GSN: variants seen among roughly 807,000 people sequenced by gnomAD.
The protein encoded by GSN is gelsolin.
GSN carries 56 observed loss-of-function variants against 85.7 expected under a neutral mutation model. That is an observed-to-expected ratio of 0.65 (90% CI 0.53 to 0.82). The LOEUF (loss-of-function observed/expected upper bound fraction) is 0.82, where lower values mean the gene tolerates loss of function less well. Ranked by LOEUF, GSN falls within the 40% of genes least tolerant of loss-of-function variation. GSN has a pLI of 0.00. For missense variants in GSN, 857 were observed against 979.8 expected (o/e 0.87, Z 1.67); for synonymous variants, 373 against 399.1 (o/e 0.93, Z 0.78).
intron 2 of GSN, among the ~76,000 whole-genome samples, chr9:121,289,929 C>A (rs186208160): frequency 1.3e-5 from 2 of 152,114 alleles, no homozygotes; most frequent in Non-Finnish European, 2.9e-5. Context: ...GAGTGACAGG[C>A]CCAGTGCAGA....
At chr9:121,313,436 A>G in intron 6 of GSN, 1 of 228,898 alleles carries the variant, frequency 4.4e-6, no homozygotes, top group South Asian at 6.5e-5. Flanking sequence ...TGGGAGGGAC[A>G]GTGGGAGTGA....
intron 6 of GSN, among the ~76,000 whole-genome samples, chr9:121,262,815 T>C (rs1462716056): frequency 2.0e-5 from 3 of 152,244 alleles, no homozygotes; most frequent in Non-Finnish European, 4.4e-5. Context: ...TCTAGAATAA[T>C]GGCTCTTGAA....
At chr9:121,270,506 C>G (rs755201016) in intron 1 of GSN, among the ~76,000 whole-genome samples, 20 of 152,212 alleles carry the variant, frequency 1.3e-4, no homozygotes, top group Non-Finnish European at 2.6e-4. Context: ...CTGAAGGTCT[C>G]AGAACCTGCT....
intron 4 of GSN, among the ~76,000 whole-genome samples, chr9:121,230,449 T>C (rs1158529052): frequency 1.3e-5 from 2 of 152,318 alleles, no homozygotes; most frequent in Admixed American, 6.5e-5. Context: ...GATGGAGACA[T>C]CTGGATGGTA....
At chr9:121,201,641 G>C in the GSN span, 1 of 152,770 alleles carries the variant, frequency 6.5e-6, no homozygotes, top group Non-Finnish European at 1.5e-5. Flanking sequence ...CGGGTTACCT[G>C]GGGGGTTGCT....
chr9:121,202,713 A>C, the GSN span, among the ~76,000 whole-genome samples: 3 of 152,244 alleles, frequency 2.0e-5, no homozygotes, highest in Admixed American at 2.0e-4. Flanking sequence ...TGTAAGTTAA[A>C]TATATGTATA....
chr9:121,224,395 G>A (rs78562567), intron 4 of GSN, among the ~76,000 whole-genome samples: 424 of 152,140 alleles, frequency 2.8e-3, no homozygotes, highest in Middle Eastern at 0.01. Context: ...CACCGCGCCC[G>A]GTCTATACAT....
intron 2 of GSN, 168 bp from the exon 3 acceptor site, chr9:121,301,776 AACTCTTGCCCTGTTTGCTG>A (rs2059888129): frequency 1.2e-6 from 1 of 827,706 alleles, no homozygotes; most frequent in Non-Finnish European, 1.9e-6. Context: ...TGAAGCATAA[AACTCTTGCCCTGTTTGCTG>A]ACTCGTTGAG....
At chr9:121,242,315 GAA>G (rs1299598734) in intron 5 of GSN, among the ~76,000 whole-genome samples, 3 of 152,194 alleles carry the variant, frequency 2.0e-5, no homozygotes, top group Non-Finnish European at 4.4e-5. Context: ...GGAGGAAACA[GAA>G]AAGATTCCCT....
In GSN at chr9:121,249,476, C is replaced by CAATA. The variant is rs928072979; in HGVS notation, c.-341+1167_-341+1170dup. Among the ~76,000 whole-genome samples the CAATA allele has an allele frequency of 3.3e-5, 5 of 152,050 alleles. No homozygotes were observed. The East Asian group carries it at 7.7e-4, about 23-fold the overall frequency. ...TGGGCGACAGCCTGAGACCCTGTCTCAATAAATAAATAAATAAGATGCAAG... is the reference window on the plus strand; with the variant it reads ...TGGGCGACAGCCTGAGACCCTGTCTCAATAAATAAATAAATAAATAAGATGCAAG... On this transcript the variant is annotated intron_variant, in intron 6 of 24. Transcript: ENST00000373823.
intron 2 of GSN, among the ~76,000 whole-genome samples, chr9:121,291,531 G>T (rs548283505): frequency 1.3e-5 from 2 of 149,768 alleles, no homozygotes; most frequent in South Asian, 4.2e-4. Flanking sequence ...CCATTCTCCT[G>T]TCTCAGCCTC....
chr9:121,226,093 T>G (rs2054268189), intron 4 of GSN, among the ~76,000 whole-genome samples: 1 of 152,166 alleles, frequency 6.6e-6, no homozygotes, highest in South Asian at 2.1e-4. Flanking sequence ...CGTGAGCCAC[T>G]GCGCCCGGCA....
chr9:121,237,908 C>T (rs903156023), intron 5 of GSN, among the ~76,000 whole-genome samples: 2 of 152,194 alleles, frequency 1.3e-5, no homozygotes, highest in African/African-American at 2.4e-5. Context: ...CACTGAAGAC[C>T]CAGGTTTTCT....
At chr9:121,305,385 C>T (rs1434200533) in intron 4 of GSN, among the ~76,000 whole-genome samples, 4 of 152,210 alleles carry the variant, frequency 2.6e-5, no homozygotes, top group Non-Finnish European at 5.9e-5. Flanking sequence ...GTCAGGGACT[C>T]TTCTGGGTGC....
chr9:121,231,885 G>A (rs935741390), intron 5 of GSN, among the ~76,000 whole-genome samples: 1 of 152,132 alleles, frequency 6.6e-6, no homozygotes, highest in Non-Finnish European at 1.5e-5. Context: ...TGGCCTACAT[G>A]GTGAAACCCC....
intron 14 of GSN, among the ~76,000 whole-genome samples, chr9:121,328,302 C>T (rs185187818): frequency 2.0e-4 from 30 of 152,316 alleles, no homozygotes; most frequent in Admixed American, 1.8e-3. Flanking sequence ...TCCAGCAGAA[C>T]CTTCTATGCA....
chr9:121,275,725 G>A (rs1171212425), intron 1 of GSN, among the ~76,000 whole-genome samples: 3 of 152,126 alleles, frequency 2.0e-5, no homozygotes, highest in Non-Finnish European at 4.4e-5. Flanking sequence ...TGCCTAGACT[G>A]TTCAGTGGTC....
intron 1 of GSN, among the ~76,000 whole-genome samples, chr9:121,277,727 A>G (rs901417561): frequency 1.3e-5 from 2 of 150,538 alleles, no homozygotes; most frequent in Non-Finnish European, 2.9e-5. Flanking sequence ...GTAGAAAGCC[A>G]TTGGAAGGGG....
chr9:121,208,556 G>T (rs1362297683), intron 1 of GSN, among the ~76,000 whole-genome samples: 2 of 152,198 alleles, frequency 1.3e-5, no homozygotes, highest in Non-Finnish European at 2.9e-5. Context: ...CCCAAATCAT[G>T]CTTCTATATC....
Sources: allele counts gnomAD v4.1 joint callset (sites outside exome capture counted in the v4.1 genomes callset), GRCh38; gene constraint gnomAD v4.1.1; transcripts MANE v1.5; gene names NCBI Gene and HGNC (gene_info 2026-07-23, HGNC 2026-07-21).